Variants in LMO1 observed in about 807,000 individuals in gnomAD.
LMO1 encodes LIM domain only 1, also known as rhombotin-1.
LMO1 carries 10 observed loss-of-function variants against 18.0 expected under a neutral mutation model. The ratio of observed to expected loss-of-function variants is 0.55; its 90% confidence interval spans 0.34 to 0.94. The LOEUF (loss-of-function observed/expected upper bound fraction) is 0.94. Ranked by LOEUF, LMO1 falls within the 40% of genes least tolerant of loss-of-function variation. The pLI is 0.02. For synonymous variants in LMO1, 77 were observed against 77.9 expected, an observed-to-expected ratio of 0.99 and a Z score of 0.06; for missense variants, 183 against 205.7, an observed-to-expected ratio of 0.89 and a Z score of 0.68.
At chr11:8,249,948 T>G (rs893614679) in intron 1 of LMO1, among the ~76,000 whole-genome samples, 1 of 152,236 alleles carries the variant, frequency 6.6e-6, no homozygotes, top group Non-Finnish European at 1.5e-5. Context: ...GGATTTTTCA[T>G]CAAGAAAGTA....
At chr11:8,267,777 G>C (rs545566418), upstream of LMO1, among the ~76,000 whole-genome samples, 2 of 152,330 alleles carry the variant, frequency 1.3e-5, no homozygotes, top group East Asian at 1.9e-4. Flanking sequence ...TTTTGGACTA[G>C]ATGGCCCACC....
rs116894600 is a variant in LMO1 at position 8,244,359 on chromosome 11, A to G, written c.26-13855T>C. ...AGCGTACCTGGGGAATGTTTAGAGA[A>G]AGCACTAATGATTTCTTCCCTAGTG... On this transcript the variant is annotated intron_variant, in intron 1 of 3. Transcript: ENST00000335790. 7.4e-4 allele frequency among the ~76,000 whole-genome samples: 112 copies of G among 152,338 alleles called. No homozygotes were observed. In the East Asian group the frequency reaches 0.02, roughly 27 times the overall value.
chr11:8,241,775 T>A (rs1846797657), intron 1 of LMO1, among the ~76,000 whole-genome samples: 1 of 148,734 alleles, frequency 6.7e-6, no homozygotes, highest in South Asian at 2.1e-4. Flanking sequence ...GTTTTACTTT[T>A]CTGTGAGTTT....
rs889926652 is a variant in LMO1, at chr11:8,263,338, C to G, written c.25G>C (p.Gly9Arg). The G allele has an allele frequency of 6.9e-6, 11 of 1,601,644 alleles. No homozygotes were observed. In the African/African-American group the frequency reaches 1.1e-4, roughly 16 times the overall value. Residue 9 changes from glycine (G) to arginine (R), a missense_variant and splice_region_variant, in exon 1 of 4, where the codon GGC (glycine) becomes CGC (arginine). Gly to Arg is a moderately radical substitution (Grantham distance 125). Transcript: ENST00000335790. The part of the protein sequence containing the change: MMVLDKED[G>R]VPMLSVQPKG... ...GTCGAGACCCCGGCCCGCCACCTAC[C>G]GTCCTCCTTGTCCAGCACCATCATC...
chr11:8,256,460 G>A (rs771001530), intron 1 of LMO1, among the ~76,000 whole-genome samples: 8 of 152,216 alleles, frequency 5.3e-5, no homozygotes, highest in Non-Finnish European at 1.0e-4. Flanking sequence ...TGACCTCCAG[G>A]GGAAGGGACA....
At chr11:8,237,879 T>C (rs1026357264) in intron 1 of LMO1, among the ~76,000 whole-genome samples, 2 of 152,240 alleles carry the variant, frequency 1.3e-5, no homozygotes, top group African/African-American at 4.8e-5. Context: ...CTGGCTTTGG[T>C]GCTTCCCAGC....
intron 3 of LMO1, among the ~76,000 whole-genome samples, chr11:8,226,025 G>T (rs1952533310): frequency 6.6e-6 from 1 of 152,238 alleles, no homozygotes; most frequent in Non-Finnish European, 1.5e-5. Flanking sequence ...AATAGGCTGG[G>T]CTGGAACCAG....
rs551680000 is a variant in LMO1, at chr11:8,255,868, C to G, written c.25+7470G>C. 8.5e-3 allele frequency among the ~76,000 whole-genome samples: 1,100 copies of G among 129,588 alleles called. 6 individuals carry two copies. The highest frequency in any genetic ancestry group is 0.029 in the African/African-American group (1,001 of 34,592). The allele number at this position is 129,588 out of a possible 152,430, so 85.0% of individuals were successfully genotyped here. A position where few individuals can be genotyped will look rare whatever the true frequency, so the allele number is the denominator to read the frequency against. Reference sequence around the variant, plus strand: ...TGAGACGGAGTCTCGCTCTGTCGCCCAGGCTGGAGTGCAGTGGCGGGATCT... The same window carrying G: ...TGAGACGGAGTCTCGCTCTGTCGCCGAGGCTGGAGTGCAGTGGCGGGATCT... On this transcript the variant is annotated intron_variant, in intron 1 of 3. Transcript: ENST00000335790.
intron 1 of LMO1, among the ~76,000 whole-genome samples, chr11:8,252,351 G>A (rs1048143395): frequency 6.6e-6 from 1 of 152,066 alleles, no homozygotes; most frequent in Admixed American, 6.5e-5. Context: ...TCCTGGGAAT[G>A]GAGCTGGTGA....
intron 1 of LMO1, among the ~76,000 whole-genome samples, chr11:8,260,965 T>C (rs1311069988): frequency 1.3e-5 from 2 of 152,068 alleles, no homozygotes; most frequent in Admixed American, 1.3e-4. Flanking sequence ...AGATAGGTGG[T>C]TGGTTTGGAG....
rs184364631 is a variant in LMO1, at chr11:8,242,191, C to G, written c.26-11687G>C. On this transcript the variant is annotated intron_variant, in intron 1 of 3. Coordinates refer to ENST00000335790, the MANE Select transcript of LMO1 (RefSeq NM_002315.3). ...GCTTTTGAGAAGCCATCCCAGGGCT[C>G]CAGCTGAGGAACAACAGCTCTCATG... 5.6e-4 allele frequency among the ~76,000 whole-genome samples: 85 copies of G among 152,324 alleles called. 1 individual carries two copies. The East Asian group carries it at 0.016, about 29-fold the overall frequency.
upstream of LMO1, chr11:8,268,463 C>A: frequency 6.9e-7 from 1 of 1,448,198 alleles, no homozygotes; most frequent in Non-Finnish European, 9.1e-7. Flanking sequence ...CCGACGGCTC[C>A]AGCCGGACTA....
intron 2 of LMO1, 84 bp downstream of exon 2, chr11:8,230,207 C>CG: frequency 8.0e-7 from 1 of 1,252,938 alleles, no homozygotes; most frequent in Non-Finnish European, 1.2e-6. Flanking sequence ...GGTCTAGGGC[C>CG]GGGGGCACAG....
intron 1 of LMO1, among the ~76,000 whole-genome samples, chr11:8,255,253 T>C (rs1847071070): frequency 6.6e-6 from 1 of 152,190 alleles, no homozygotes; most frequent in South Asian, 2.1e-4. Flanking sequence ...AAGCTTGTAA[T>C]CCCAGCACTT....
In LMO1 at chr11:8,231,343, C is replaced by T. The variant is rs530626449; in HGVS notation, c.26-839G>A. Reference sequence around the variant, plus strand: ...GGGCAGAGCCTCCCGTCGCGGCAGGCGAGCATGTGCGCTCACACACACCCC... The same window carrying T: ...GGGCAGAGCCTCCCGTCGCGGCAGGTGAGCATGTGCGCTCACACACACCCC... On this transcript the variant is annotated intron_variant, in intron 1 of 3. Transcript: ENST00000335790. Among the ~76,000 whole-genome samples, 12 of 152,370 alleles carry T rather than the reference C, an allele frequency of 7.9e-5. No individual in the cohort carries two copies. In the South Asian group the frequency reaches 1.2e-3, roughly 16 times the overall value.
chr11:8,263,369 C>T lies in LMO1; in HGVS notation c.-7G>A. On this transcript the variant is annotated 5_prime_UTR_variant, in exon 1 of 4. Transcript: ENST00000335790. ...CCTTGTCCAGCACCATCATCTCGGG[C>T]GCTCCGTGTCCAGCCGCAGCTAGGC... The T allele has an allele frequency of 3.1e-6, 5 of 1,604,758 alleles. No homozygotes were observed. Among genetic ancestry groups the T allele is most frequent in the Non-Finnish European group, 4.2e-6 (5 of 1,178,724 alleles).
At chr11:8,268,737 A>C (rs954083784), upstream of LMO1, 2 of 213,948 alleles carry the variant, frequency 9.3e-6, no homozygotes, top group African/African-American at 4.6e-5. Flanking sequence ...CCGGAGCCTG[A>C]GCCGCGCGCG....
At chr11:8,268,619 C>A (rs4988627), upstream of LMO1, 2,244 of 392,852 alleles carry the variant, frequency 5.7e-3, 24 homozygotes, top group Admixed American at 0.034. Flanking sequence ...CGCAGCCCCG[C>A]GGGCAGGGAG....
chr11:8,253,675 T>C (rs1847042200), intron 1 of LMO1, among the ~76,000 whole-genome samples: 1 of 152,052 alleles, frequency 6.6e-6, no homozygotes, highest in Non-Finnish European at 1.5e-5. Context: ...AGCAGGACTG[T>C]AGGAGCCCAG....
Sources: gnomAD v4.1 joint callset for allele counts (sites outside exome capture counted in the v4.1 genomes callset) on GRCh38, gnomAD v4.1.1 for gene constraint, MANE v1.5 for transcripts, NCBI Gene and HGNC (gene_info 2026-07-23, HGNC 2026-07-21) for gene names.